The following GPR33 variants were observed in gnomAD, a reference collection of about 807,000 sequenced individuals.
GPR33 encodes the protein probable G protein-coupled receptor 33.
In GPR33, 4 loss-of-function variants were observed where a neutral mutation model predicts 3.1. The observed-to-expected ratio is 1.29, with a 90% confidence interval of 0.64 to 2.96. The LOEUF (loss-of-function observed/expected upper bound fraction) is 2.96. Ranked by LOEUF, GPR33 falls within the 30% of genes most tolerant of loss-of-function variation. GPR33 has a pLI of 0.01. For missense variants in GPR33, 390 were observed against 388.9 expected (o/e 1.00, Z -0.02); for synonymous variants, 138 against 142.0 (o/e 0.97, Z 0.20).
In GPR33 at chr14:31,483,121, A is replaced by G. The variant is rs572928609; in HGVS notation, c.845T>C (p.Ile282Thr). ...NQSLLLELTL[I>T]LTVLTTSFNT... ...GAAAGAAGTGGTTAGCACTGTAAGT[A>G]TCAAAGTCAACTCTAAAAGTAGTGA... The change falls in exon 2 of 2, where the codon ATA becomes ACA. Residue 282 changes from isoleucine to threonine, a missense_variant. Transcript: ENST00000399285. 43 of 1,536,086 alleles carry G rather than the reference A, an allele frequency of 2.8e-5. No homozygotes were observed. The East Asian group carries it at 7.8e-4, about 28-fold the overall frequency.
In GPR33 at chr14:31,483,258, G is replaced by C. The variant is rs2032380644; in HGVS notation, c.708C>G (p.Ser236Arg). 3.3e-6 allele frequency: 5 copies of C among 1,535,986 alleles called. No homozygotes were observed. The highest frequency in any genetic ancestry group is 4.9e-5 in the East Asian group (2 of 40,932). ...ERVASKVKERSLFKSSKPFKV... is the reference protein window; with the variant it reads ...ERVASKVKERRLFKSSKPFKV... ...TGAAGGGCTTGCTGGATTTAAACAG[G>C]CTCCTCTCTTTCACCTTGCTGGCTA... The change falls in exon 2 of 2, where the codon AGC (serine) becomes AGG (arginine). Residue 236 changes from serine (S) to arginine (R), a missense_variant. Transcript: ENST00000399285.
At position 31,483,664 on chromosome 14, in the gene GPR33, C is replaced by T. The variant is rs973551309; in HGVS notation, c.302G>A (p.Cys101Tyr). Residue 101 changes from cysteine to tyrosine, a missense_variant, in exon 2 of 2, where the codon TGC becomes TAC. Transcript: ENST00000399285. ...AGACAAAGTGCCATTGAAGACCTTG[C>T]ACAAGGCAGTTCCAAAGTTCCAGTG... ...DNHWNFGTAL[C>Y]KVFNGTLSLG... The T allele has an allele frequency of 6.5e-7, 1 of 1,536,040 alleles. No individual in the cohort carries two copies.
At chr14:31,484,733 A>G (rs1446726446) in intron 1 of GPR33, among the ~76,000 whole-genome samples, 2 of 152,194 alleles carry the variant, frequency 1.3e-5, no homozygotes, top group Non-Finnish European at 2.9e-5. Context: ...AATAATAGCA[A>G]TGTTGCAAAT....
At chr14:31,487,445 T>G (rs924313241) in intron 1 of GPR33, among the ~76,000 whole-genome samples, 2 of 135,884 alleles carry the variant, frequency 1.5e-5, no homozygotes, top group Non-Finnish European at 3.2e-5. Context: ...TTTTTTTTTT[T>G]TTTTTTTTTT....
chr14:31,483,622 G>T lies in GPR33; in HGVS notation c.344C>A (p.Ser115Tyr). The change falls in exon 2 of 2, where the codon TCT (serine) becomes TAT (tyrosine). Residue 115 changes from serine (S) to tyrosine (Y), a missense_variant. Coordinates refer to ENST00000399285, the MANE Select transcript of GPR33 (RefSeq NM_001197184.3). ...NGTLSLGMFT[S>Y]VFFLSAIGLD... Reference sequence around the variant, plus strand: ...ACCGATGGCCGAAAGGAAGAAAACAGAGGTGAACATCCCCAGAGACAAAGT... The same window carrying T: ...ACCGATGGCCGAAAGGAAGAAAACATAGGTGAACATCCCCAGAGACAAAGT... The T allele has an allele frequency of 6.5e-7, 1 of 1,536,168 alleles. No individual in the cohort carries two copies.
In GPR33 at chr14:31,483,154, G is replaced by T; in HGVS notation, c.812C>A (p.Thr271Lys). 1 of 1,536,060 alleles carries T rather than the reference G, an allele frequency of 6.5e-7. No homozygotes were observed. The highest frequency in any genetic ancestry group is 8.7e-7 in the Non-Finnish European group (1 of 1,146,840). ...YHIHQGLLLT[T>K]NQSLLLELTL... ...CAACTCTAAAAGTAGTGACTGGTTC[G>T]TAGTGAGAAGTAAGCCCTGGTGTAT... Residue 271 changes from threonine to lysine, a missense_variant, in exon 2 of 2, where the codon ACG becomes AAG. Transcript: ENST00000399285.
At chr14:31,486,494 G>A (rs1201819695) in intron 1 of GPR33, among the ~76,000 whole-genome samples, 1 of 152,172 alleles carries the variant, frequency 6.6e-6, no homozygotes, top group Non-Finnish European at 1.5e-5. Flanking sequence ...GATTCTTCAT[G>A]AAAATACCTT....
In GPR33 at chr14:31,483,738, A is replaced by G; in HGVS notation, c.228T>C (p.Ile76=). 1 of 1,536,164 alleles carries G rather than the reference A, an allele frequency of 6.5e-7. No homozygotes were observed. Among genetic ancestry groups the G allele is most frequent in the Non-Finnish European group, 8.7e-7 (1 of 1,146,916 alleles). The change falls in exon 2 of 2, where the codon ATT becomes ATC. Residue 76 remains isoleucine, a synonymous_variant. Coordinates refer to ENST00000399285, the MANE Select transcript of GPR33 (RefSeq NM_001197184.3). ...CCATAAATGGCAGAATCATTGTTGA[A>G]ATAAAATAAGAGAGAATGAGATGAA... The part of the protein sequence containing the change: ...LFFHLILSYF[I]STMILPFMAT...
At chr14:31,487,810 A>T (rs1204802107) in intron 1 of GPR33, 87 bp downstream of exon 1, 3 of 152,298 alleles carry the variant, frequency 2.0e-5, no homozygotes, top group Non-Finnish European at 4.4e-5. Flanking sequence ...AGGCCACAGG[A>T]GCATCGGGAA....
Position 31,482,941 on chromosome 14 carries a change from A to G in GPR33, c.*23T>C. ...AGTGCGTGTTTGCTTAAGAATCTAG[A>G]ATTTAAATTTAGGCTTCTGAGTTTA... On this transcript the variant is annotated 3_prime_UTR_variant, in exon 2 of 2. Transcript: ENST00000399285. 1 of 1,476,194 alleles carries G rather than the reference A, an allele frequency of 6.8e-7. No homozygotes were observed. The highest frequency in any genetic ancestry group is 8.9e-7 in the Non-Finnish European group (1 of 1,123,304). 91.4% of individuals were successfully genotyped at this position (1,476,194 alleles called of 1,614,324 possible).
At position 31,483,760 on chromosome 14, in the gene GPR33, T is replaced by G; in HGVS notation, c.206A>C (p.His69Pro). 1 of 1,535,952 alleles carries G rather than the reference T, an allele frequency of 6.5e-7. No individual in the cohort carries two copies. Among genetic ancestry groups the G allele is most frequent in the Non-Finnish European group, 8.7e-7 (1 of 1,146,824 alleles). ...KQTVNTLLFF[H>P]LILSYFISTM... is the part of the protein sequence containing the mutation. ...TGAAATAAAATAAGAGAGAATGAGATGAAAAAATAAGAGAGTATTGACAGT... is the reference window on the plus strand; with the variant it reads ...TGAAATAAAATAAGAGAGAATGAGAGGAAAAAATAAGAGAGTATTGACAGT... The change falls in exon 2 of 2, where the codon CAT (histidine) becomes CCT (proline). Residue 69 changes from histidine to proline, a missense_variant. Transcript: ENST00000399285.
chr14:31,483,560 AC>A lies in GPR33; in HGVS notation c.405del (p.Trp135CysfsTer30), dbSNP rs1566803868. 2 of 1,536,146 alleles carry A rather than the reference AC, an allele frequency of 1.3e-6. No individual in the cohort carries two copies. The highest frequency in any genetic ancestry group is 2.4e-5 in the South Asian group (2 of 84,060). ...CAGCGCGGGGTTCGGTGCTGCTGGG[AC>A]CACACTGGGTGAAGAGTGAGAAGGT... The part of the protein sequence containing the change: ...DRYLLTLHPV[W>X]SQQHRTPRWA... On this transcript the variant is annotated frameshift_variant, in exon 2 of 2. Coordinates refer to ENST00000399285, the MANE Select transcript of GPR33 (RefSeq NM_001197184.3). LOFTEE classifies it high-confidence loss of function.
At chr14:31,486,671 A>G (rs1287444967) in intron 1 of GPR33, among the ~76,000 whole-genome samples, 1 of 152,190 alleles carries the variant, frequency 6.6e-6, no homozygotes, top group Non-Finnish European at 1.5e-5. Context: ...ACAGAAAAAA[A>G]CTCAGCAGGA....
intron 1 of GPR33, among the ~76,000 whole-genome samples, chr14:31,487,443 T>TTG (rs2032432138): frequency 1.5e-5 from 2 of 134,552 alleles, no homozygotes; most frequent in South Asian, 2.5e-4. Context: ...TTTTTTTTTT[T>TTG]TTTTTTTTTT....
intron 1 of GPR33, among the ~76,000 whole-genome samples, chr14:31,485,706 A>T (rs1026617135): frequency 5.3e-5 from 8 of 152,086 alleles, no homozygotes; most frequent in African/African-American, 1.9e-4. Flanking sequence ...ACAGAGGGGA[A>T]AGTGAGGCTT....
intron 1 of GPR33, among the ~76,000 whole-genome samples, chr14:31,486,772 A>G (rs1447891130): frequency 2.0e-5 from 3 of 152,172 alleles, no homozygotes; most frequent in Admixed American, 6.5e-5. Context: ...ATGTCTAATA[A>G]TTATAATCTA....
intron 1 of GPR33, among the ~76,000 whole-genome samples, chr14:31,484,627 T>G (rs774092931): frequency 6.6e-6 from 1 of 152,166 alleles, no homozygotes; most frequent in Non-Finnish European, 1.5e-5. Context: ...CTGACACTTT[T>G]TGATGGGCAA....
chr14:31,483,183 G>T lies in GPR33; in HGVS notation c.783C>A (p.Tyr261Ter). The T allele has an allele frequency of 5.2e-6, 8 of 1,536,086 alleles. No individual in the cohort carries two copies. The highest frequency in any genetic ancestry group is 8.7e-7 in the Non-Finnish European group (1 of 1,146,890). The change falls in exon 2 of 2, where the codon TAC (tyrosine) becomes TAA (stop). Residue 261 changes from tyrosine to a stop codon, truncating the protein, a stop_gained. Coordinates refer to ENST00000399285, the MANE Select transcript of GPR33 (RefSeq NM_001197184.3). LOFTEE classifies it high-confidence loss of function. ...IISFFVCWMP[Y>*]HIHQGLLLTT... ...TGAGAAGTAAGCCCTGGTGTATATG[G>T]TAGGGCATCCAACACACAAAGAAAG...
chr14:31,484,085 T>C, intron 1 of GPR33, 114 bp from the exon 2 acceptor site: 2 of 842,908 alleles, frequency 2.4e-6, no homozygotes, highest in Non-Finnish European at 3.5e-6. Flanking sequence ...CAAATGATAA[T>C]ATTTTAACAG....
Sources: gnomAD v4.1 joint callset for allele counts (sites outside exome capture counted in the v4.1 genomes callset) on GRCh38, gnomAD v4.1.1 for gene constraint, MANE v1.5 for transcripts, NCBI Gene and HGNC (gene_info 2026-07-23, HGNC 2026-07-21) for gene names.